Variants in ZNF181 observed in about 807,000 individuals in gnomAD.
ZNF181 encodes the protein zinc finger protein 181, also known as zinc finger protein 181 (HHZ181).
In ZNF181, 8 loss-of-function variants were observed where a neutral mutation model predicts 11.9. The observed-to-expected ratio is 0.67, with a 90% confidence interval of 0.39 to 1.21. ZNF181 has a LOEUF of 1.21. Among genes scored for constraint, ZNF181 ranks in the 50% most tolerant of loss-of-function variants. The pLI, the probability that ZNF181 is intolerant of heterozygous loss-of-function variation, is 0.01. For missense variants in ZNF181, 542 were observed against 670.9 expected, an observed-to-expected ratio of 0.81 and a Z score of 2.12; for synonymous variants, 202 against 221.1, an observed-to-expected ratio of 0.91 and a Z score of 0.77.
intron 1 of ZNF181, among the ~76,000 whole-genome samples, chr19:34,737,416 ACAAAT>A (rs1315694588): frequency 1.3e-5 from 2 of 152,246 alleles, no homozygotes; most frequent in African/African-American, 4.8e-5. Flanking sequence ...AGTCTGTTTC[ACAAAT>A]CAAAGACAGT....
chr19:34,745,033 A>G lies in ZNF181; in HGVS notation c.*2936A>G, dbSNP rs62124165. The G allele has an allele frequency of 3.9e-5, 6 of 152,230 alleles. No homozygotes were observed. The highest frequency in any genetic ancestry group is 7.3e-5 in the Non-Finnish European group (5 of 68,036). 9.4% of individuals were successfully genotyped at this position (152,230 alleles called of 1,614,324 possible). ...AAGAAGGCCATCTTTTTAAATGAAG[A>G]TAGTTTTAAGAGAGCAATAAGAGAC... On this transcript the variant is annotated 3_prime_UTR_variant, in exon 4 of 4. Transcript: ENST00000492450.
Position 34,744,038 on chromosome 19 carries a change from G to T in ZNF181, c.*1941G>T, listed in dbSNP as rs774375431. On this transcript the variant is annotated 3_prime_UTR_variant, in exon 4 of 4. Transcript: ENST00000492450. ...GGGGTGTGATATGGATTATGCTTCA[G>T]ATTTTGTTCTTTATCTCAGGTGAGA... is the stretch of plus-strand genomic sequence containing the variant. 1 of 152,190 alleles carries T rather than the reference G, an allele frequency of 6.6e-6. No individual in the cohort carries two copies. Among genetic ancestry groups the T allele is most frequent in the Non-Finnish European group, 1.5e-5 (1 of 68,030 alleles). 9.4% of individuals were successfully genotyped at this position (152,190 alleles called of 1,614,324 possible).
chr19:34,737,827 C>T (rs80161136), intron 1 of ZNF181, among the ~76,000 whole-genome samples: 2,160 of 152,254 alleles, frequency 0.014, 35 homozygotes, highest in South Asian at 0.076. Context: ...CCCTTGCATG[C>T]GCACTTCACA....
Position 34,741,184 on chromosome 19 carries a change from G to A in ZNF181, c.803G>A (p.Arg268His), listed in dbSNP as rs141253859. ...ACAGGAGAGAAGCCCTATGAATGTC[G>A]TGAATGTGGGAAGACTTTTAGCCAT... ...IHTGEKPYEC[R>H]ECGKTFSHGS... Residue 268 changes from arginine (R) to histidine (H), a missense_variant, in exon 4 of 4, where the codon CGT (arginine) becomes CAT (histidine). Arg to His is a conservative substitution (Grantham distance 29, BLOSUM62 0). Transcript: ENST00000492450. 755 of 1,613,932 alleles carry A rather than the reference G, an allele frequency of 4.7e-4. No homozygotes were observed. Among genetic ancestry groups the A allele is most frequent in the Non-Finnish European group, 6.1e-4 (719 of 1,179,958 alleles).
Position 34,742,317 on chromosome 19 carries a change from T to G in ZNF181, c.*220T>G, listed in dbSNP as rs575855687. 5.2e-5 allele frequency: 19 copies of G among 367,494 alleles called. No homozygotes were observed. The highest frequency in any genetic ancestry group is 3.7e-4 in the African/African-American group (18 of 49,032). The allele number at this position is 367,494 out of a possible 1,614,324, so 22.8% of individuals were successfully genotyped here. On this transcript the variant is annotated 3_prime_UTR_variant, in exon 4 of 4. Coordinates refer to ENST00000492450, the MANE Select transcript of ZNF181 (RefSeq NM_001029997.4). ...ATTAATCCCTTAATTGACATAAGTATACTCACACTAGGATAAAACCCTGTA... is the reference window on the plus strand; with the variant it reads ...ATTAATCCCTTAATTGACATAAGTAGACTCACACTAGGATAAAACCCTGTA...
At position 34,741,077 on chromosome 19, in the gene ZNF181, TAGAG is replaced by T. The variant is rs761382163; in HGVS notation, c.700_703del (p.Glu234LysfsTer50). ...CTCTTACCCTTCCCCAGACTTGTAATAGAGAGAAAATCTATACATGCAGTGAATG... is the reference window on the plus strand; with the variant it reads ...CTCTTACCCTTCCCCAGACTTGTAATAGAAAATCTATACATGCAGTGAATG... On this transcript the variant is annotated frameshift_variant, in exon 4 of 4. Transcript: ENST00000492450. LOFTEE classifies it low-confidence loss of function (END_TRUNC). 8.1e-6 allele frequency: 13 copies of T among 1,614,136 alleles called. No homozygotes were observed. Among genetic ancestry groups the T allele is most frequent in the African/African-American group, 1.3e-5 (1 of 75,058 alleles).
Position 34,734,323 on chromosome 19 carries a change from T to G in ZNF181, c.-715T>G, listed in dbSNP as rs1446956876. The G allele has an allele frequency of 6.6e-6, 1 of 152,342 alleles. No homozygotes were observed. Among genetic ancestry groups the G allele is most frequent in the Non-Finnish European group, 1.5e-5 (1 of 68,150 alleles). The allele number at this position is 152,342 out of a possible 1,614,324, so 9.4% of individuals were successfully genotyped here. Reference sequence around the variant, plus strand: ...GTCGTCCCCAGAGGTCGGCGGCCGTTGCCCGCTCACCAGCGACGCGGGGCG... The same window carrying G: ...GTCGTCCCCAGAGGTCGGCGGCCGTGGCCCGCTCACCAGCGACGCGGGGCG... On this transcript the variant is annotated 5_prime_UTR_variant, in exon 1 of 4. Coordinates refer to ENST00000492450, the MANE Select transcript of ZNF181 (RefSeq NM_001029997.4).
intron 1 of ZNF181, chr19:34,735,950 T>C (rs561846755): frequency 3.3e-5 from 16 of 491,866 alleles, no homozygotes; most frequent in African/African-American, 2.5e-4. Flanking sequence ...CCTCCATCAC[T>C]GCTTTGTTGT....
Position 34,741,866 on chromosome 19 carries a change from G to A in ZNF181, c.1485G>A (p.Gly495=), listed in dbSNP as rs1225697860. The A allele has an allele frequency of 6.2e-7, 1 of 1,613,824 alleles. No individual in the cohort carries two copies. Among genetic ancestry groups the A allele is most frequent in the Non-Finnish European group, 8.5e-7 (1 of 1,179,880 alleles). Residue 495 remains glycine (G), a synonymous_variant, in exon 4 of 4, where the codon GGG becomes GGA. Coordinates refer to ENST00000492450, the MANE Select transcript of ZNF181 (RefSeq NM_001029997.4). ...GEKPYECIKC[G]KTFSCSSNLT... is the part of the protein sequence containing the mutation. Reference sequence around the variant, plus strand: ...AACCTTATGAATGTATTAAATGTGGGAAGACCTTCAGCTGTAGTTCAAACC... The same window carrying A: ...AACCTTATGAATGTATTAAATGTGGAAAGACCTTCAGCTGTAGTTCAAACC...
intron 1 of ZNF181, 74 bp downstream of exon 1, chr19:34,735,120 G>A: frequency 2.0e-6 from 3 of 1,512,018 alleles, no homozygotes; most frequent in Non-Finnish European, 2.7e-6. Context: ...TCTCCTGCCT[G>A]TTCCCACCTA....
Position 34,744,207 on chromosome 19 carries a change from G to C in ZNF181, c.*2110G>C, listed in dbSNP as rs2069014824. 6.6e-6 allele frequency: 1 copy of C among 152,200 alleles called. No individual in the cohort carries two copies. The highest frequency in any genetic ancestry group is 2.1e-4 in the South Asian group (1 of 4,838). 9.4% of individuals were successfully genotyped at this position (152,200 alleles called of 1,614,324 possible). A position where few individuals can be genotyped will look rare whatever the true frequency, so the allele number is the denominator to read the frequency against. The stretch of plus-strand genomic sequence containing the variant: ...TACCTTAACAGAAAGCCAAAGCACA[G>C]AGGCATATTCCAATAGCAATTTGCA... On this transcript the variant is annotated 3_prime_UTR_variant, in exon 4 of 4. Transcript: ENST00000492450.
Position 34,735,144 on chromosome 19 carries a change from A to C in ZNF181, c.9+98A>C. 3.6e-6 allele frequency: 5 copies of C among 1,371,202 alleles called. No individual in the cohort carries two copies. In the Middle Eastern group the frequency reaches 7.2e-4, roughly 196 times the overall value. 84.9% of individuals were successfully genotyped at this position (1,371,202 alleles called of 1,614,324 possible). ...TGTTCCCACCTAACCAAGTCCATTT[A>C]AGGGACTGGATCCATGGTTCCTTTC... On this transcript the variant is annotated intron_variant, in intron 1 of 3. Transcript: ENST00000492450.
chr19:34,737,705 G>A (rs1417616277), intron 1 of ZNF181, among the ~76,000 whole-genome samples: 1 of 152,174 alleles, frequency 6.6e-6, no homozygotes, highest in Non-Finnish European at 1.5e-5. Context: ...GATCGGTTTT[G>A]TGGAAGACAG....
chr19:34,739,682 A>G, intron 3 of ZNF181, 61 bp downstream of exon 3: 2 of 1,583,056 alleles, frequency 1.3e-6, no homozygotes, highest in Middle Eastern at 1.7e-4. Flanking sequence ...AACTCTTTAT[A>G]GTGAGTTTAT....
chr19:34,741,727 A>G lies in ZNF181; in HGVS notation c.1346A>G (p.Asn449Ser), dbSNP rs776937029. The change falls in exon 4 of 4, where the codon AAT becomes AGT. Residue 449 changes from asparagine to serine, a missense_variant. Asn to Ser is a conservative substitution (Grantham distance 46, BLOSUM62 1). Transcript: ENST00000492450. ...TCCTTCAACCAGCTTGAATCACTGAATATGCATTTGAGAAATCACATTAGA... is the reference window on the plus strand; with the variant it reads ...TCCTTCAACCAGCTTGAATCACTGAGTATGCATTTGAGAAATCACATTAGA... ...RKSFNQLESLNMHLRNHIRLK... is the reference protein window; with the variant it reads ...RKSFNQLESLSMHLRNHIRLK... 1.9e-6 allele frequency: 3 copies of G among 1,613,978 alleles called. No homozygotes were observed. Among genetic ancestry groups the G allele is most frequent in the Non-Finnish European group, 2.5e-6 (3 of 1,179,922 alleles).
In ZNF181 at chr19:34,736,204, G is replaced by C. The variant is rs554489477; in HGVS notation, c.9+1158G>C. ...GGAAGGTGAAGCTTGCATAGGAGGG[G>C]ATGTGAGTAGCAGATGTACATGTTG... On this transcript the variant is annotated intron_variant, in intron 1 of 3. Coordinates refer to ENST00000492450, the MANE Select transcript of ZNF181 (RefSeq NM_001029997.4). 5.4e-5 allele frequency: 38 copies of C among 702,400 alleles called. No homozygotes were observed. The South Asian group carries it at 5.6e-4, about 10-fold the overall frequency. 43.5% of individuals were successfully genotyped at this position (702,400 alleles called of 1,614,324 possible). A position where few individuals can be genotyped will look rare whatever the true frequency, so the allele number is the denominator to read the frequency against.
chr19:34,741,229 A>T lies in ZNF181; in HGVS notation c.848A>T (p.His283Leu). ...AGCCATGGCTCATCCCTTACACGAC[A>T]TCTGATAAGCCATAGTGGAGAGAAA... Reference protein sequence around the residue: ...TFSHGSSLTRHLISHSGEKPY... With the variant: ...TFSHGSSLTRLLISHSGEKPY... The change falls in exon 4 of 4, where the codon CAT (histidine) becomes CTT (leucine). Residue 283 changes from histidine (H) to leucine (L), a missense_variant. Transcript: ENST00000492450. 6.2e-7 allele frequency: 1 copy of T among 1,614,050 alleles called. No individual in the cohort carries two copies. Among genetic ancestry groups the T allele is most frequent in the South Asian group, 1.1e-5 (1 of 91,082 alleles).
chr19:34,742,167 A>G lies in ZNF181; in HGVS notation c.*70A>G, dbSNP rs769864526. On this transcript the variant is annotated 3_prime_UTR_variant, in exon 4 of 4. Coordinates refer to ENST00000492450, the MANE Select transcript of ZNF181 (RefSeq NM_001029997.4). ...ACATTAGAAAAATTTATACTGGGGAAAGTCTTATGAATGTGGTGAATATAG... is the reference window on the plus strand; with the variant it reads ...ACATTAGAAAAATTTATACTGGGGAGAGTCTTATGAATGTGGTGAATATAG... The G allele has an allele frequency of 1.2e-5, 18 of 1,452,088 alleles. No homozygotes were observed. The Admixed American group carries it at 1.6e-4, about 13-fold the overall frequency. The allele number at this position is 1,452,088 out of a possible 1,614,324, so 90.0% of individuals were successfully genotyped here. A position where few individuals can be genotyped will look rare whatever the true frequency, so the allele number is the denominator to read the frequency against.
In ZNF181 at chr19:34,743,080, A is replaced by G. The variant is rs1354753211; in HGVS notation, c.*983A>G. The G allele has an allele frequency of 2.0e-5, 3 of 152,220 alleles. No individual in the cohort carries two copies. Among genetic ancestry groups the G allele is most frequent in the Non-Finnish European group, 2.9e-5 (2 of 68,032 alleles). 9.4% of individuals were successfully genotyped at this position (152,220 alleles called of 1,614,324 possible). A position where few individuals can be genotyped will look rare whatever the true frequency, so the allele number is the denominator to read the frequency against. ...AAAATTTACTGAGCATCACTCGTGT[A>G]TTATTACACAGCGATGGGATATAGG... On this transcript the variant is annotated 3_prime_UTR_variant, in exon 4 of 4. Coordinates refer to ENST00000492450, the MANE Select transcript of ZNF181 (RefSeq NM_001029997.4).
Sources: allele counts gnomAD v4.1 joint callset (sites outside exome capture counted in the v4.1 genomes callset), GRCh38; gene constraint gnomAD v4.1.1; transcripts MANE v1.5; gene names NCBI Gene and HGNC (gene_info 2026-07-23, HGNC 2026-07-21).